The following KCNIP4 variants were observed in gnomAD, a reference collection of about 807,000 sequenced individuals.
The protein encoded by KCNIP4 is potassium voltage-gated channel interacting protein 4.
KCNIP4 carries 12 observed loss-of-function variants against 34.0 expected under a neutral mutation model. That is an observed-to-expected ratio of 0.35 (90% CI 0.23 to 0.57). The LOEUF (loss-of-function observed/expected upper bound fraction) is 0.57, where lower values mean the gene tolerates loss of function less well. KCNIP4 is among the 20% of genes least tolerant of loss of function. KCNIP4 has a pLI of 0.83. For synonymous variants in KCNIP4, 124 were observed against 102.2 expected (o/e 1.21, Z -1.29); for missense variants, 238 against 311.7 (o/e 0.76, Z 1.78).
In KCNIP4 at chr4:21,319,877, G is replaced by A. The variant is rs141683569; in HGVS notation, c.62-437168C>T. ...TTGATGAGTTCATGATTAGCAGTATGGAATAGAAAAGAAAAAGAAAAAAGA... is the reference window on the plus strand; with the variant it reads ...TTGATGAGTTCATGATTAGCAGTATAGAATAGAAAAGAAAAAGAAAAAAGA... On this transcript the variant is annotated intron_variant, in intron 1 of 8. Coordinates refer to ENST00000382152, the MANE Select transcript of KCNIP4 (RefSeq NM_025221.6). Among the ~76,000 whole-genome samples the A allele has an allele frequency of 2.0e-4, 30 of 152,220 alleles. No homozygotes were observed. In the East Asian group the frequency reaches 5.6e-3, roughly 28 times the overall value.
At chr4:21,728,540 T>C (rs1213744559) in intron 1 of KCNIP4, among the ~76,000 whole-genome samples, 1 of 152,140 alleles carries the variant, frequency 6.6e-6, no homozygotes, top group East Asian at 1.9e-4. Flanking sequence ...GAGTGATCCT[T>C]TTAAAACATA....
At chr4:21,315,837 T>C (rs1183659146) in intron 1 of KCNIP4, among the ~76,000 whole-genome samples, 4 of 152,162 alleles carry the variant, frequency 2.6e-5, no homozygotes, top group African/African-American at 9.6e-5. Context: ...ATTCCCCAGC[T>C]TCGATTTTCA....
chr4:21,015,750 A>T (rs1163934968), intron 1 of KCNIP4, among the ~76,000 whole-genome samples: 1 of 136,006 alleles, frequency 7.4e-6, no homozygotes, highest in Non-Finnish European at 1.5e-5. Flanking sequence ...ATATAATATG[A>T]TATATAAATA....
At chr4:20,733,634 C>T (rs1748888128) in intron 6 of KCNIP4, among the ~76,000 whole-genome samples, 1 of 152,114 alleles carries the variant, frequency 6.6e-6, no homozygotes, top group Non-Finnish European at 1.5e-5. Context: ...ATGTGTTAAA[C>T]ACAGAGGTAA....
intron 3 of KCNIP4, among the ~76,000 whole-genome samples, chr4:20,791,186 T>C (rs892694165): frequency 1.3e-5 from 2 of 152,066 alleles, no homozygotes; most frequent in Non-Finnish European, 2.9e-5. Flanking sequence ...AATAAAAATA[T>C]CAAACTAAAA....
intron 1 of KCNIP4, among the ~76,000 whole-genome samples, chr4:21,277,991 T>C (rs1399255556): frequency 6.6e-6 from 1 of 152,164 alleles, no homozygotes; most frequent in Non-Finnish European, 1.5e-5. Flanking sequence ...AAAGTAAAGC[T>C]TTAAAAAATC....
chr4:20,822,845 A>T (rs916265830), intron 3 of KCNIP4, among the ~76,000 whole-genome samples: 12 of 152,170 alleles, frequency 7.9e-5, no homozygotes, highest in African/African-American at 2.9e-4. Context: ...TGATTAAGTC[A>T]TGAGTGGTCC....
At chr4:21,901,173 C>T (rs1727683075) in intron 1 of KCNIP4, among the ~76,000 whole-genome samples, 1 of 152,120 alleles carries the variant, frequency 6.6e-6, no homozygotes, top group South Asian at 2.1e-4. Context: ...TAAAATTTAA[C>T]ATATAGTGTG....
chr4:21,105,272 TGAG>T (rs1748408944), intron 1 of KCNIP4, among the ~76,000 whole-genome samples: 1 of 151,690 alleles, frequency 6.6e-6, no homozygotes, highest in Non-Finnish European at 1.5e-5. Flanking sequence ...TTTATTTCAT[TGAG>T]CAGTGGTTTG....
chr4:21,254,107 T>A (rs1048249943), intron 1 of KCNIP4, among the ~76,000 whole-genome samples: 2 of 152,198 alleles, frequency 1.3e-5, no homozygotes, highest in South Asian at 2.1e-4. Flanking sequence ...ATGATAAGAA[T>A]ATTTTGGAAC....
intron 1 of KCNIP4, among the ~76,000 whole-genome samples, chr4:21,426,437 T>A (rs1725935991): frequency 6.6e-6 from 1 of 152,252 alleles, no homozygotes. Flanking sequence ...AAGCTATTTT[T>A]AAAATCTGAC....
At chr4:20,748,898 A>G (rs60547794) in intron 5 of KCNIP4, among the ~76,000 whole-genome samples, 35,173 of 117,704 alleles carry the variant, frequency 0.3, 4,262 homozygotes, top group Non-Finnish European at 0.32. Context: ...GTGTGTGTAT[A>G]TATATATATA....
intron 1 of KCNIP4, among the ~76,000 whole-genome samples, chr4:21,354,445 T>C (rs978692222): frequency 1.3e-5 from 2 of 152,074 alleles, no homozygotes; most frequent in African/African-American, 4.8e-5. Flanking sequence ...AATAAAGGGA[T>C]GGAGGAAGAC....
In KCNIP4 at chr4:21,947,857, C is replaced by T. The variant is rs140573599; in HGVS notation, c.61+714G>A. 4.6e-5 allele frequency among the ~76,000 whole-genome samples: 7 copies of T among 152,340 alleles called. No homozygotes were observed. The East Asian group carries it at 1.4e-3, about 29-fold the overall frequency. The stretch of plus-strand genomic sequence containing the variant: ...CAACCCAAGACGCTTTGTGGAAGGG[C>T]ATCGTCTCCTATTTCTCTATGGATC... On this transcript the variant is annotated intron_variant, in intron 1 of 8. Transcript: ENST00000382152.
chr4:20,758,769 A>C, intron 4 of KCNIP4, 52 bp downstream of exon 4: 1 of 1,404,184 alleles, frequency 7.1e-7, no homozygotes. Flanking sequence ...TCAACACTGC[A>C]AGCATAATTG....
At chr4:21,125,357 G>C (rs1254956432) in intron 1 of KCNIP4, among the ~76,000 whole-genome samples, 2 of 151,642 alleles carry the variant, frequency 1.3e-5, no homozygotes, top group Non-Finnish European at 2.9e-5. Context: ...GCAGGGATTA[G>C]AGGTGCCCGC....
chr4:21,927,018 T>C (rs1285790692), intron 1 of KCNIP4, among the ~76,000 whole-genome samples: 1 of 152,194 alleles, frequency 6.6e-6, no homozygotes, highest in African/African-American at 2.4e-5. Context: ...TGGTGCTGGG[T>C]TCCTTTCTGG....
At position 20,969,721 on chromosome 4, in the gene KCNIP4, C is replaced by T. The variant is rs117536739; in HGVS notation, c.62-87012G>A. Among the ~76,000 whole-genome samples the T allele has an allele frequency of 7.5e-3, 1,148 of 152,142 alleles. 56 individuals carry two copies. The East Asian group carries it at 0.12, about 16-fold the overall frequency. ...TTCCAAATACTAAAAAAAGAAATTA[C>T]TTATTCTAAAATCAGGATTAGTAAA... On this transcript the variant is annotated intron_variant, in intron 1 of 8. Transcript: ENST00000382152.
chr4:20,749,175 C>T (rs182190571), intron 5 of KCNIP4, among the ~76,000 whole-genome samples: 1 of 134,614 alleles, frequency 7.4e-6, no homozygotes, highest in South Asian at 2.3e-4. Context: ...AAAAAAAATA[C>T]GTTCTCTACA....
Sources: allele counts gnomAD v4.1 joint callset (sites outside exome capture counted in the v4.1 genomes callset), GRCh38; gene constraint gnomAD v4.1.1; transcripts MANE v1.5; gene names NCBI Gene and HGNC (gene_info 2026-07-23, HGNC 2026-07-21).